Variants in LRIG1 observed in about 807,000 individuals in gnomAD.
LRIG1 encodes the protein leucine rich repeats and immunoglobulin like domains 1, also known as leucine-rich repeats and immunoglobulin-like domains protein 1.
Under a neutral mutation model 99.2 loss-of-function variants are expected in LRIG1, and 48 were observed. The observed-to-expected ratio is 0.48, with a 90% confidence interval of 0.38 to 0.62. LRIG1 has a LOEUF of 0.62. Among genes scored for constraint, LRIG1 ranks in the 20% least tolerant of loss-of-function variants. The pLI is 0.00. For missense variants in LRIG1, 1,646 were observed against 1,434.4 expected, an observed-to-expected ratio of 1.15 and a Z score of -2.38; for synonymous variants, 772 against 596.1, an observed-to-expected ratio of 1.29 and a Z score of -4.30.
In LRIG1 at chr3:66,394,219, C is replaced by T. The variant is rs539156441; in HGVS notation, c.1305-16G>A. 15 of 1,563,894 alleles carry T rather than the reference C, an allele frequency of 9.6e-6. No homozygotes were observed. The highest frequency in any genetic ancestry group is 1.8e-4 in the Middle Eastern group (1 of 5,440). On this transcript the variant is annotated splice_polypyrimidine_tract_variant and intron_variant, in intron 11 of 18. Coordinates refer to ENST00000273261, the MANE Select transcript of LRIG1 (RefSeq NM_015541.3). ...GCTGATATGGCTGAAAGAAACACAACAGTGGATGCTTCAGGTGCAGCCGCA... is the reference window on the plus strand; with the variant it reads ...GCTGATATGGCTGAAAGAAACACAATAGTGGATGCTTCAGGTGCAGCCGCA...
At chr3:66,479,782 A>C (rs188564143) in intron 1 of LRIG1, among the ~76,000 whole-genome samples, 6 of 152,332 alleles carry the variant, frequency 3.9e-5, no homozygotes, top group African/African-American at 1.4e-4. Context: ...AAAATTTAAA[A>C]AGACAGATAA....
At chr3:66,470,278 T>C (rs896764488) in intron 1 of LRIG1, among the ~76,000 whole-genome samples, 1 of 152,152 alleles carries the variant, frequency 6.6e-6, no homozygotes, top group African/African-American at 2.4e-5. Flanking sequence ...TTGTCATCCC[T>C]AGCATGGATA....
chr3:66,441,433 G>A (rs1418584349), intron 3 of LRIG1, among the ~76,000 whole-genome samples: 2 of 152,162 alleles, frequency 1.3e-5, no homozygotes, highest in African/African-American at 2.4e-5. Flanking sequence ...ACCTTTCACA[G>A]ATGGCCGGCA....
At chr3:66,437,149 G>C (rs1703388838) in intron 3 of LRIG1, among the ~76,000 whole-genome samples, 1 of 152,202 alleles carries the variant, frequency 6.6e-6, no homozygotes, top group African/African-American at 2.4e-5. Flanking sequence ...CCCAGCATGG[G>C]CTGGACGCCT....
intron 2 of LRIG1, among the ~76,000 whole-genome samples, chr3:66,451,953 A>G (rs1703917109): frequency 6.6e-6 from 1 of 152,188 alleles, no homozygotes; most frequent in African/African-American, 2.4e-5. Context: ...GGTTCGGGAC[A>G]AAAGCGCCCC....
At chr3:66,458,659 GC>G (rs1700283548) in intron 2 of LRIG1, among the ~76,000 whole-genome samples, 1 of 151,986 alleles carries the variant, frequency 6.6e-6, no homozygotes, top group East Asian at 1.9e-4. Context: ...CTGAGGTCAC[GC>G]CACTGCACTC....
intron 7 of LRIG1, among the ~76,000 whole-genome samples, chr3:66,409,400 C>G (rs147619929): frequency 2.0e-5 from 3 of 152,212 alleles, no homozygotes; most frequent in Non-Finnish European, 4.4e-5. Flanking sequence ...CACTGCCCAT[C>G]GCTACCCAGG....
Position 66,380,189 on chromosome 3 carries a change from C to T in LRIG1, c.*74G>A. On this transcript the variant is annotated 3_prime_UTR_variant, in exon 19 of 19. Coordinates refer to ENST00000273261, the MANE Select transcript of LRIG1 (RefSeq NM_015541.3). ...TGTACAGATGAGTGACGCTTGAACC[C>T]AAGCTTCCTCGCAGCCTCTCCTACC... is the stretch of plus-strand genomic sequence containing the variant. 2 of 1,296,476 alleles carry T rather than the reference C, an allele frequency of 1.5e-6. No individual in the cohort carries two copies. The highest frequency in any genetic ancestry group is 2.1e-6 in the Non-Finnish European group (2 of 934,508). 80.3% of individuals were successfully genotyped at this position (1,296,476 alleles called of 1,614,324 possible). A position where few individuals can be genotyped will look rare whatever the true frequency, so the allele number is the denominator to read the frequency against.
rs948698801 is a variant in LRIG1, at chr3:66,419,151, G to A, written c.366-1885C>T. Among the ~76,000 whole-genome samples, 13 of 152,202 alleles carry A rather than the reference G, an allele frequency of 8.5e-5. No homozygotes were observed. In the East Asian group the frequency reaches 9.6e-4, roughly 11 times the overall value. On this transcript the variant is annotated intron_variant, in intron 3 of 18. Coordinates refer to ENST00000273261, the MANE Select transcript of LRIG1 (RefSeq NM_015541.3). Reference sequence around the variant, plus strand: ...TCTGTGCTGGACAGAAGGGCCGGGCGCCACCGGCCCAGAAAGGCACAAAGA... The same window carrying A: ...TCTGTGCTGGACAGAAGGGCCGGGCACCACCGGCCCAGAAAGGCACAAAGA...
chr3:66,418,948 G>A (rs1702711729), intron 3 of LRIG1, among the ~76,000 whole-genome samples: 1 of 152,016 alleles, frequency 6.6e-6, no homozygotes, highest in South Asian at 2.1e-4. Flanking sequence ...CTTCCTTTGA[G>A]TTCTTTATTA....
chr3:66,403,378 T>C (rs1702135917), intron 9 of LRIG1, among the ~76,000 whole-genome samples: 2 of 152,002 alleles, frequency 1.3e-5, no homozygotes, highest in African/African-American at 4.8e-5. Flanking sequence ...CTTGGATGCA[T>C]GTCTTTCTCT....
chr3:66,417,350 C>A lies in LRIG1; in HGVS notation c.366-84G>T, dbSNP rs574356686. ...ACTAGTATTCCTGCACCCCACCCCC[C>A]ACCAATATAACTACAATGCAGTGAC... On this transcript the variant is annotated intron_variant, in intron 3 of 18. Transcript: ENST00000273261. 3.3e-5 allele frequency: 46 copies of A among 1,391,362 alleles called. No homozygotes were observed. In the East Asian group the frequency reaches 9.0e-4, roughly 27 times the overall value. The allele number at this position is 1,391,362 out of a possible 1,614,324, so 86.2% of individuals were successfully genotyped here.
Position 66,381,724 on chromosome 3 carries a change from A to AT in LRIG1, c.2618-94dup, listed in dbSNP as rs534757241. ...AATGAGCAAGGCCGCTAGAACAGTC[A>AT]TTTTTTTTAAAAAGTTCTTCAGAGC... On this transcript the variant is annotated intron_variant, in intron 16 of 18. Coordinates refer to ENST00000273261, the MANE Select transcript of LRIG1 (RefSeq NM_015541.3). 4.9e-4 allele frequency: 695 copies of AT among 1,423,486 alleles called. 2 individuals are homozygous for AT. In the African/African-American group the frequency reaches 6.2e-3, roughly 13 times the overall value. The allele number at this position is 1,423,486 out of a possible 1,614,324, so 88.2% of individuals were successfully genotyped here. A position where few individuals can be genotyped will look rare whatever the true frequency, so the allele number is the denominator to read the frequency against.
chr3:66,499,080 G>C (rs750996584), intron 1 of LRIG1, among the ~76,000 whole-genome samples: 1 of 152,150 alleles, frequency 6.6e-6, no homozygotes, highest in Non-Finnish European at 1.5e-5. Context: ...ATTTAAGCTA[G>C]GCCTTTTCTG....
chr3:66,405,478 C>G (rs2106644036), intron 8 of LRIG1, among the ~76,000 whole-genome samples, 200 bp from the exon 9 acceptor site: 1 of 152,290 alleles, frequency 6.6e-6, no homozygotes, highest in East Asian at 1.9e-4. Flanking sequence ...TGACACATGC[C>G]TTAGACAAGA....
intron 1 of LRIG1, among the ~76,000 whole-genome samples, chr3:66,486,594 C>T (rs1700980391): frequency 6.6e-6 from 1 of 152,184 alleles, no homozygotes; most frequent in South Asian, 2.1e-4. Flanking sequence ...TCACAATCGA[C>T]TCAACTAATG....
chr3:66,445,355 C>T (rs1292875198), intron 3 of LRIG1, among the ~76,000 whole-genome samples: 1 of 151,888 alleles, frequency 6.6e-6, no homozygotes, highest in Non-Finnish European at 1.5e-5. Flanking sequence ...CAGGTTGCTA[C>T]GCGGGGGAAG....
At position 66,383,237 on chromosome 3, in the gene LRIG1, G is replaced by C; in HGVS notation, c.2236C>G (p.Gln746Glu). 6.2e-7 allele frequency: 1 copy of C among 1,614,236 alleles called. No individual in the cohort carries two copies. The highest frequency in any genetic ancestry group is 8.5e-7 in the Non-Finnish European group (1 of 1,180,040). ...TERHHLTPDN[Q>E]LLVVQNVVAE... ...ACCACGTTCTGAACCACCAGGAGCTGGTTGTCAGGGGTCAAGTGGTGCCGC... is the reference window on the plus strand; with the variant it reads ...ACCACGTTCTGAACCACCAGGAGCTCGTTGTCAGGGGTCAAGTGGTGCCGC... The change falls in exon 15 of 19, where the codon CAG (glutamine) becomes GAG (glutamate). Residue 746 changes from glutamine to glutamate, a missense_variant. By Grantham distance (29) the Gln-to-Glu change is conservative (BLOSUM62 2). Coordinates refer to ENST00000273261, the MANE Select transcript of LRIG1 (RefSeq NM_015541.3).
intron 9 of LRIG1, 90 bp downstream of exon 9, chr3:66,405,108 C>T (rs1430492422): frequency 1.7e-5 from 19 of 1,140,882 alleles, no homozygotes; most frequent in Non-Finnish European, 2.2e-5. Context: ...GGGCCCAGAG[C>T]AGAGAGGCGC....
Sources: allele counts gnomAD v4.1 joint callset (sites outside exome capture counted in the v4.1 genomes callset), GRCh38; gene constraint gnomAD v4.1.1; transcripts MANE v1.5; gene names NCBI Gene and HGNC (gene_info 2026-07-23, HGNC 2026-07-21).